The following ASTN1 variants were observed in gnomAD, a reference collection of about 807,000 sequenced individuals.
ASTN1 encodes astrotactin 1.
ASTN1 carries 41 observed loss-of-function variants against 140.7 expected under a neutral mutation model. The observed-to-expected ratio is 0.29, with a 90% CI of 0.23 to 0.38. The LOEUF is 0.38. ASTN1 is among the 10% of genes least tolerant of loss of function. The probability of loss-of-function intolerance (pLI) is 1.00; values close to 1 mark genes in which losing one functional copy is unlikely to be tolerated. For synonymous variants in ASTN1, 640 were observed against 652.2 expected, an observed-to-expected ratio of 0.98 and a Z score of 0.29; for missense variants, 1,479 against 1,678.8, an observed-to-expected ratio of 0.88 and a Z score of 2.08.
chr1:177,064,368 T>G (rs1310346880), intron 1 of ASTN1, among the ~76,000 whole-genome samples: 6 of 152,220 alleles, frequency 3.9e-5, no homozygotes, highest in Non-Finnish European at 8.8e-5. Context: ...TTGGTGGTTT[T>G]TAATATATTC....
At chr1:176,872,749 A>T (rs1215078618) in intron 21 of ASTN1, among the ~76,000 whole-genome samples, 1 of 152,030 alleles carries the variant, frequency 6.6e-6, no homozygotes, top group African/African-American at 2.4e-5. Context: ...TTCTTCAAAC[A>T]TGAGCCAAGA....
chr1:176,875,701 AT>A (rs1468232126), intron 21 of ASTN1, among the ~76,000 whole-genome samples: 3 of 152,168 alleles, frequency 2.0e-5, no homozygotes, highest in Non-Finnish European at 4.4e-5. Context: ...TGGACACAAT[AT>A]TTCTCTTACT....
intron 1 of ASTN1, among the ~76,000 whole-genome samples, chr1:177,161,685 C>T (rs1647380449): frequency 6.6e-6 from 1 of 152,162 alleles, no homozygotes; most frequent in Non-Finnish European, 1.5e-5. Flanking sequence ...CCTAGTTAGC[C>T]TCAGTGAAGT....
At chr1:177,105,625 G>A (rs933098747) in intron 1 of ASTN1, among the ~76,000 whole-genome samples, 2 of 151,016 alleles carry the variant, frequency 1.3e-5, no homozygotes, top group South Asian at 4.2e-4. Context: ...TAGGCTGGAA[G>A]AGACAATATG....
chr1:176,951,326 G>A (rs1672183893), intron 11 of ASTN1, among the ~76,000 whole-genome samples: 1 of 152,240 alleles, frequency 6.6e-6, no homozygotes, highest in South Asian at 2.1e-4. Flanking sequence ...GCCACCAGAA[G>A]GGAGCTGGCT....
At chr1:177,050,101 C>T (rs113430771) in intron 2 of ASTN1, among the ~76,000 whole-genome samples, 1 of 152,154 alleles carries the variant, frequency 6.6e-6, no homozygotes, top group African/African-American at 2.4e-5. Flanking sequence ...CCCACAAATG[C>T]CAAATCATGA....
At chr1:176,883,598 T>C (rs1187003302) in intron 19 of ASTN1, among the ~76,000 whole-genome samples, 2 of 152,212 alleles carry the variant, frequency 1.3e-5, no homozygotes, top group African/African-American at 4.8e-5. Context: ...GCAAAGGGCC[T>C]TGGAAGAAGC....
intron 8 of ASTN1, among the ~76,000 whole-genome samples, chr1:176,983,331 C>T (rs931388807): frequency 5.9e-5 from 9 of 152,228 alleles, no homozygotes; most frequent in African/African-American, 2.2e-4. Flanking sequence ...TTCCCTGCCT[C>T]GCAGCCACAG....
intron 8 of ASTN1, among the ~76,000 whole-genome samples, chr1:177,006,315 T>C (rs1238072164): frequency 6.6e-6 from 1 of 151,832 alleles, no homozygotes; most frequent in African/African-American, 2.4e-5. Context: ...ATTTCATGTA[T>C]AGAAACAGAA....
At chr1:176,869,247 C>T (rs1434152351) in intron 21 of ASTN1, among the ~76,000 whole-genome samples, 6 of 151,628 alleles carry the variant, frequency 4.0e-5, no homozygotes, top group Non-Finnish European at 7.4e-5. Context: ...TGCATGTTTA[C>T]TTATGTGTGT....
rs762727212 is a variant in ASTN1 at position 176,944,026 on chromosome 1, G to A, written c.2250-8C>T. 3.4e-5 allele frequency: 55 copies of A among 1,613,368 alleles called. No individual in the cohort carries two copies. Among genetic ancestry groups the A allele is most frequent in the Non-Finnish European group, 4.7e-5 (55 of 1,179,754 alleles). On this transcript the variant is annotated splice_region_variant and splice_polypyrimidine_tract_variant and intron_variant, in intron 13 of 22. Coordinates refer to ENST00000361833, the MANE Select transcript of ASTN1 (RefSeq NM_004319.3). ...CGAGCAAAGTTGTTTTGCCTAGAAA[G>A]AGGGTAGACCTTCATTTCTGAGTGT... is the stretch of plus-strand genomic sequence containing the variant.
Position 177,141,238 on chromosome 1 carries a change from A to C in ASTN1, c.283+23156T>G, listed in dbSNP as rs145309801. 1.8e-3 allele frequency among the ~76,000 whole-genome samples: 279 copies of C among 151,924 alleles called. 2 individuals are homozygous for C. The highest frequency in any genetic ancestry group is 6.3e-3 in the African/African-American group (261 of 41,266). On this transcript the variant is annotated intron_variant, in intron 1 of 22. Transcript: ENST00000361833. ...TCTCAAAAACAAACAAACAAACAAA[A>C]AAAACAAAGAGCACTTACTTCCTAG... is the stretch of plus-strand genomic sequence containing the variant.
Position 177,149,220 on chromosome 1 carries a change from A to T in ASTN1, c.283+15174T>A, listed in dbSNP as rs188050721. Among the ~76,000 whole-genome samples the T allele has an allele frequency of 6.5e-3, 647 of 100,060 alleles. 29 individuals are homozygous for T. Among genetic ancestry groups the T allele is most frequent in the African/African-American group, 0.021 (399 of 19,010 alleles). 65.6% of individuals were successfully genotyped at this position (100,060 alleles called of 152,430 possible). On this transcript the variant is annotated intron_variant, in intron 1 of 22. Coordinates refer to ENST00000361833, the MANE Select transcript of ASTN1 (RefSeq NM_004319.3). The stretch of plus-strand genomic sequence containing the variant: ...AAATATATATAGTGTATATATAGTA[A>T]ATATATATAGTAAATATATATATAC...
At chr1:176,876,782 AC>A in intron 20 of ASTN1, 145 bp from the exon 21 acceptor site, 1 of 731,046 alleles carries the variant, frequency 1.4e-6, no homozygotes, top group Non-Finnish European at 2.2e-6. Context: ...GTTTACTGCC[AC>A]CATCCCAGGC....
At chr1:177,049,420 C>G (rs1677422805) in intron 2 of ASTN1, among the ~76,000 whole-genome samples, 1 of 152,110 alleles carries the variant, frequency 6.6e-6, no homozygotes, top group African/African-American at 2.4e-5. Flanking sequence ...AAAAGCAAGT[C>G]AATTTAAATA....
chr1:177,084,752 C>A lies in ASTN1; in HGVS notation c.284-23487G>T, dbSNP rs182688361. The stretch of plus-strand genomic sequence containing the variant: ...GTCTAAAATAATGATAAAAGTAATT[C>A]CCACCCCATCTCCTTACAAAATACT... On this transcript the variant is annotated intron_variant, in intron 1 of 22. Transcript: ENST00000361833. Among the ~76,000 whole-genome samples, 198 of 152,170 alleles carry A rather than the reference C, an allele frequency of 1.3e-3. 1 individual carries two copies. The highest frequency in any genetic ancestry group is 5.1e-4 in the Non-Finnish European group (35 of 68,000).
chr1:177,114,916 A>C (rs1053329239), intron 1 of ASTN1, among the ~76,000 whole-genome samples: 4 of 152,258 alleles, frequency 2.6e-5, no homozygotes, highest in African/African-American at 9.6e-5. Context: ...TCCAGTGCAT[A>C]TGGTTCAAAA....
At chr1:177,136,354 CTT>C (rs761381263) in intron 1 of ASTN1, among the ~76,000 whole-genome samples, 52 of 131,032 alleles carry the variant, frequency 4.0e-4, no homozygotes, top group Non-Finnish European at 4.9e-4. Flanking sequence ...ATTTTTCTTC[CTT>C]TTTTTTTTTT....
intron 16 of ASTN1, among the ~76,000 whole-genome samples, chr1:176,901,239 G>A (rs750992084): frequency 6.6e-6 from 1 of 152,154 alleles, no homozygotes; most frequent in African/African-American, 2.4e-5. Flanking sequence ...ACTGCAAAAA[G>A]TTCATTTTGC....
Sources: allele counts gnomAD v4.1 joint callset (sites outside exome capture counted in the v4.1 genomes callset), GRCh38; gene constraint gnomAD v4.1.1; transcripts MANE v1.5; gene names NCBI Gene and HGNC (gene_info 2026-07-23, HGNC 2026-07-21).